The following CFAP74 variants were observed in gnomAD, a reference collection of about 807,000 sequenced individuals.
CFAP74 encodes the protein cilia- and flagella-associated protein 74.
Under a neutral mutation model 188.9 loss-of-function variants are expected in CFAP74, and 124 were observed. The ratio of observed to expected loss-of-function variants is 0.66; its 90% CI spans 0.57 to 0.76. CFAP74 has a LOEUF of 0.76. CFAP74 is among the 30% of genes least tolerant of loss of function. The probability of loss-of-function intolerance (pLI) is 0.00; values close to 1 mark genes in which losing one functional copy is unlikely to be tolerated. For missense variants in CFAP74, 2,198 were observed against 2,165.2 expected (o/e 1.02, Z -0.30); for synonymous variants, 956 against 916.7 (o/e 1.04, Z -0.77).
At chr1:1,961,765 C>T (rs923652714) in intron 14 of CFAP74, among the ~76,000 whole-genome samples, 8 of 152,146 alleles carry the variant, frequency 5.3e-5, no homozygotes, top group Non-Finnish European at 7.3e-5. Flanking sequence ...CAGAGAGCTA[C>T]GAAGGTCTGA....
Position 1,942,095 on chromosome 1 carries a change from G to A in CFAP74, c.2548C>T (p.Leu850Phe). Reference protein sequence around the residue: ...VCKELRAHLELLPKTGYIQAQ... With the variant: ...VCKELRAHLEFLPKTGYIQAQ... ...TGGATATAGCCTGTCTTGGGCAGGA[G>A]CTCCAGGTGGGCCCTCAGCTCCTTG... Residue 850 changes from leucine to phenylalanine, a missense_variant, in exon 22 of 39, where the codon CTC becomes TTC. Transcript: ENST00000682832. The surrounding 1 kb of genome is among the most constrained non-coding windows in gnomAD (Gnocchi z 4.3). The A allele has an allele frequency of 6.5e-7, 1 of 1,532,478 alleles. No homozygotes were observed. Among genetic ancestry groups the A allele is most frequent in the Non-Finnish European group, 8.7e-7 (1 of 1,145,494 alleles). The allele number at this position is 1,532,478 out of a possible 1,614,324, so 94.9% of individuals were successfully genotyped here.
At position 1,938,895 on chromosome 1, in the gene CFAP74, C is replaced by T; in HGVS notation, c.2971G>A (p.Glu991Lys). The T allele has an allele frequency of 6.5e-7, 1 of 1,536,204 alleles. No individual in the cohort carries two copies. The highest frequency in any genetic ancestry group is 8.7e-7 in the Non-Finnish European group (1 of 1,146,920). Reference protein sequence around the residue: ...CVIFQPTKAEEHRFQLTCKSE... With the variant: ...CVIFQPTKAEKHRFQLTCKSE... ...TTGCAGGTCAGTTGGAATCTGTGTT[C>T]CTCGGCCTTGGTGGGCTGGAAGATC... The change falls in exon 25 of 39, where the codon GAA becomes AAA. Residue 991 changes from glutamate to lysine, a missense_variant. Coordinates refer to ENST00000682832, the MANE Select transcript of CFAP74 (RefSeq NM_001304360.2).
chr1:1,939,033 T>G, intron 24 of CFAP74, 45 bp from the exon 25 acceptor site: 10 of 1,523,400 alleles, frequency 6.6e-6, no homozygotes, highest in Non-Finnish European at 7.9e-6. Flanking sequence ...GGGGAGACCA[T>G]GTGGACACAC....
intron 1 of CFAP74, among the ~76,000 whole-genome samples, chr1:1,998,916 AAAAT>A (rs771993465): frequency 9.6e-4 from 146 of 152,148 alleles, no homozygotes; most frequent in African/African-American, 3.2e-3. Context: ...ATTAAAAAAT[AAAAT>A]AAATAAATAA....
chr1:1,976,686 G>A (rs1042013111), intron 6 of CFAP74, among the ~76,000 whole-genome samples: 1 of 152,146 alleles, frequency 6.6e-6, no homozygotes, highest in Non-Finnish European at 1.5e-5. Context: ...GGGATTACAG[G>A]CATGCACCAC....
intron 10 of CFAP74, 110 bp downstream of exon 10, chr1:1,970,549 C>G (rs948390321): frequency 1.6e-6 from 2 of 1,274,920 alleles, no homozygotes; most frequent in Admixed American, 4.9e-5. Context: ...GAGTGGGCGC[C>G]CTGGGAGAGA....
intron 12 of CFAP74, among the ~76,000 whole-genome samples, chr1:1,965,499 T>C (rs2102070739): frequency 6.6e-6 from 1 of 152,330 alleles, no homozygotes; most frequent in East Asian, 1.9e-4. Flanking sequence ...GCCGCTTCCC[T>C]GGCCAACACC....
intron 14 of CFAP74, among the ~76,000 whole-genome samples, chr1:1,961,093 T>C (rs1655059480): frequency 6.6e-6 from 1 of 151,996 alleles, no homozygotes; most frequent in Non-Finnish European, 1.5e-5. Context: ...TTAGCAGCAC[T>C]AAGGGGACAA....
rs759392332 is a variant in CFAP74 at position 1,930,074 on chromosome 1, C to T, written c.3274G>A (p.Val1092Met). 3.0e-5 allele frequency: 46 copies of T among 1,523,476 alleles called. No homozygotes were observed. The highest frequency in any genetic ancestry group is 9.6e-5 in the African/African-American group (7 of 72,986). 94.4% of individuals were successfully genotyped at this position (1,523,476 alleles called of 1,614,324 possible). Residue 1092 changes from valine to methionine, a missense_variant, in exon 26 of 39, where the codon GTG becomes ATG. Physicochemically the swap from Val to Met is conservative, Grantham distance 21. Transcript: ENST00000682832. Reference sequence around the variant, plus strand: ...CCCACACCCACCTTTCCTGGCCACACGGTCCCCACTGAGGGCGAGATGGTG... The same window carrying T: ...CCCACACCCACCTTTCCTGGCCACATGGTCCCCACTGAGGGCGAGATGGTG... Reference protein sequence around the residue: ...PITISPSVGTVWPGKRCLVQV... With the variant: ...PITISPSVGTMWPGKRCLVQV...
Position 1,922,595 on chromosome 1 carries a change from G to C in CFAP74, c.4812C>G (p.Asp1604Glu). The C allele has an allele frequency of 3.1e-6, 5 of 1,608,244 alleles. No homozygotes were observed. The highest frequency in any genetic ancestry group is 4.2e-6 in the Non-Finnish European group (5 of 1,177,614). The change falls in exon 38 of 39, where the codon GAC becomes GAG. Residue 1604 changes from aspartate to glutamate, a missense_variant. Coordinates refer to ENST00000682832, the MANE Select transcript of CFAP74 (RefSeq NM_001304360.2). Reference sequence around the variant, plus strand: ...GGAGCCCAAAGGCACCTACATCAAAGTCCGCAGGTGGCACCCAGGAGATGC... The same window carrying C: ...GGAGCCCAAAGGCACCTACATCAAACTCCGCAGGTGGCACCCAGGAGATGC... ...TISISWVPPA[D>E]FDPDHPLMVS...
intron 1 of CFAP74, among the ~76,000 whole-genome samples, chr1:1,994,333 A>T (rs1262402501): frequency 6.6e-6 from 1 of 152,198 alleles, no homozygotes; most frequent in Non-Finnish European, 1.5e-5. Flanking sequence ...TAAAACTGTA[A>T]AATTGTAGAG....
At chr1:1,981,649 C>T (rs13303279) in intron 6 of CFAP74, among the ~76,000 whole-genome samples, 6 of 67,656 alleles carry the variant, frequency 8.9e-5, no homozygotes, top group South Asian at 1.1e-3. Context: ...CACACAGCCG[C>T]GGACAGACAC....
In CFAP74 at chr1:1,924,420, C is replaced by A. The variant is rs936345888; in HGVS notation, c.4205G>T (p.Ser1402Ile). 1 of 1,284,824 alleles carries A rather than the reference C, an allele frequency of 7.8e-7. No homozygotes were observed. Among genetic ancestry groups the A allele is most frequent in the Non-Finnish European group, 1.0e-6 (1 of 988,136 alleles). 79.6% of individuals were successfully genotyped at this position (1,284,824 alleles called of 1,614,324 possible). A position where few individuals can be genotyped will look rare whatever the true frequency, so the allele number is the denominator to read the frequency against. ...CACCTCCGTCCTCTGGGAGGGCGAG[C>A]TGAGGAACTGCGGCAGCTGCTGCTG... The part of the protein sequence containing the change: ...RGQQQLPQFL[S>I]SPSQRTEVVG... The change falls in exon 34 of 39, where the codon AGC becomes ATC. Residue 1402 changes from serine to isoleucine, a missense_variant. Coordinates refer to ENST00000682832, the MANE Select transcript of CFAP74 (RefSeq NM_001304360.2).
At chr1:1,996,023 C>T (rs111275536) in intron 1 of CFAP74, among the ~76,000 whole-genome samples, 1,964 of 152,194 alleles carry the variant, frequency 0.013, 44 homozygotes, top group African/African-American at 0.045. Flanking sequence ...CTCACTCTGT[C>T]GCCCACGCTG....
In CFAP74 at chr1:1,939,760, G is replaced by A; in HGVS notation, c.2711C>T (p.Pro904Leu). 1 of 1,535,650 alleles carries A rather than the reference G, an allele frequency of 6.5e-7. No homozygotes were observed. The highest frequency in any genetic ancestry group is 8.7e-7 in the Non-Finnish European group (1 of 1,146,520). The change falls in exon 24 of 39, where the codon CCA (proline) becomes CTA (leucine). Residue 904 changes from proline to leucine, a missense_variant. By Grantham distance (98) the Pro-to-Leu change is moderately conservative. Transcript: ENST00000682832. ...MTIWVADQNKPVGFTVHAIVT... is the reference protein window; with the variant it reads ...MTIWVADQNKLVGFTVHAIVT... ...AATGGCATGCACGGTGAATCCCACT[G>A]GCTTGTTCTGAGACATAAAGGGCAC...
chr1:1,982,658 A>G (rs1386850800), intron 6 of CFAP74, among the ~76,000 whole-genome samples: 8 of 152,224 alleles, frequency 5.3e-5, no homozygotes, highest in Admixed American at 5.2e-4. Flanking sequence ...GACTTAAAGG[A>G]AAGTCCACGG....
intron 1 of CFAP74, among the ~76,000 whole-genome samples, chr1:1,994,098 G>A (rs576285463): frequency 2.4e-4 from 37 of 151,618 alleles, no homozygotes; most frequent in African/African-American, 7.0e-4. Flanking sequence ...CCAGGAGGTC[G>A]AGGCTGCCGT....
At position 1,973,529 on chromosome 1, in the gene CFAP74, A is replaced by T. The variant is rs1242605550; in HGVS notation, c.675-482T>A. Among the ~76,000 whole-genome samples, 1 of 151,920 alleles carries T rather than the reference A, an allele frequency of 6.6e-6. No homozygotes were observed. The highest frequency in any genetic ancestry group is 1.5e-5 in the Non-Finnish European group (1 of 67,976). On this transcript the variant is annotated intron_variant, in intron 7 of 38. Coordinates refer to ENST00000682832, the MANE Select transcript of CFAP74 (RefSeq NM_001304360.2). The surrounding 1 kb of genome is among the most constrained non-coding windows in gnomAD (Gnocchi z 6.2). The stretch of plus-strand genomic sequence containing the variant: ...GGACAGCTGGCCTGATGGCCTGTGG[A>T]GCACTTGGGGACTGGCCTAGTAGGT...
In CFAP74 at chr1:1,923,538, C is replaced by G. The variant is rs771246559; in HGVS notation, c.4390-39G>C. Reference sequence around the variant, plus strand: ...GTGGAGTGGCCTTGTCCCCGAAGCTCGGCGGCAGGGGTCCTGCTGGTGAGA... The same window carrying G: ...GTGGAGTGGCCTTGTCCCCGAAGCTGGGCGGCAGGGGTCCTGCTGGTGAGA... On this transcript the variant is annotated intron_variant, in intron 35 of 38. Coordinates refer to ENST00000682832, the MANE Select transcript of CFAP74 (RefSeq NM_001304360.2). The surrounding 1 kb of genome is among the most constrained non-coding windows in gnomAD (Gnocchi z 6.3). The G allele has an allele frequency of 6.9e-6, 11 of 1,592,518 alleles. No individual in the cohort carries two copies. The highest frequency in any genetic ancestry group is 1.3e-5 in the African/African-American group (1 of 74,568).
Sources: gnomAD v4.1 joint callset for allele counts (sites outside exome capture counted in the v4.1 genomes callset) on GRCh38, gnomAD v4.1.1 for gene constraint, Gnocchi (gnomAD v3.1) non-coding constraint, MANE v1.5 for transcripts, NCBI Gene and HGNC (gene_info 2026-07-23, HGNC 2026-07-21) for gene names.